The following ATP8A2 variants were observed in gnomAD, a reference collection of about 807,000 sequenced individuals.
The protein encoded by ATP8A2 is ATPase phospholipid transporting 8A2, also known as phospholipid-transporting ATPase IB.
Under a neutral mutation model 165.6 loss-of-function variants are expected in ATP8A2, and 100 were observed. That is an observed-to-expected ratio of 0.60 (90% CI 0.51 to 0.71). ATP8A2 has a LOEUF of 0.71. Among genes scored for constraint, ATP8A2 ranks in the 30% least tolerant of loss-of-function variants. ATP8A2 has a pLI of 0.00. For synonymous variants in ATP8A2, 543 were observed against 548.8 expected (o/e 0.99, Z 0.15); for missense variants, 1,227 against 1,479.5 (o/e 0.83, Z 2.80).
intron 36 of ATP8A2, among the ~76,000 whole-genome samples, chr13:26,016,435 T>C (rs1956976124): frequency 6.6e-6 from 1 of 152,234 alleles, no homozygotes; most frequent in South Asian, 2.1e-4. Context: ...CTTGTGGCCA[T>C]GGCACTAATG....
intron 24 of ATP8A2, among the ~76,000 whole-genome samples, chr13:25,686,315 G>A (rs905868309): frequency 6.6e-6 from 1 of 152,214 alleles, no homozygotes; most frequent in Non-Finnish European, 1.5e-5. Context: ...GGAACATGAT[G>A]CAGTGCTCCA....
intron 2 of ATP8A2, among the ~76,000 whole-genome samples, chr13:25,482,280 C>T (rs1406233584): frequency 6.6e-6 from 1 of 152,170 alleles, no homozygotes; most frequent in African/African-American, 2.4e-5. Flanking sequence ...GATCATAAGT[C>T]TTGTTCCTTA....
chr13:25,954,940 C>T (rs546426039), intron 33 of ATP8A2, among the ~76,000 whole-genome samples: 24 of 152,322 alleles, frequency 1.6e-4, no homozygotes, highest in African/African-American at 5.1e-4. Flanking sequence ...AATGCCTCTT[C>T]TCCTCCAAAG....
chr13:25,781,141 T>C (rs1219047037), intron 27 of ATP8A2, among the ~76,000 whole-genome samples: 1 of 152,072 alleles, frequency 6.6e-6, no homozygotes, highest in Non-Finnish European at 1.5e-5. Flanking sequence ...CAGGTGCCTG[T>C]AGTCCCAGCT....
intron 24 of ATP8A2, among the ~76,000 whole-genome samples, chr13:25,614,088 G>A (rs781584897): frequency 5.3e-5 from 8 of 152,122 alleles, no homozygotes; most frequent in South Asian, 2.1e-4. Flanking sequence ...TAGCAAAGCC[G>A]GAGAAGTTTT....
intron 20 of ATP8A2, 81 bp downstream of exon 20, chr13:25,577,219 A>C: frequency 8.6e-7 from 1 of 1,166,202 alleles, no homozygotes; most frequent in East Asian, 2.4e-5. Context: ...TGCTTTCCTC[A>C]TCATTCCCTG....
At chr13:25,910,621 T>C (rs1954076410) in intron 33 of ATP8A2, among the ~76,000 whole-genome samples, 1 of 152,076 alleles carries the variant, frequency 6.6e-6, no homozygotes. Flanking sequence ...ACAACGGGTG[T>C]CTCCTATATT....
intron 25 of ATP8A2, among the ~76,000 whole-genome samples, chr13:25,730,787 G>A (rs2043603559): frequency 6.6e-6 from 1 of 151,946 alleles, no homozygotes; most frequent in Non-Finnish European, 1.5e-5. Flanking sequence ...TTTTAAGGAA[G>A]GAATAGGCCA....
chr13:25,968,471 C>A, intron 34 of ATP8A2, 104 bp from the exon 35 acceptor site: 1 of 980,334 alleles, frequency 1.0e-6, no homozygotes, highest in Non-Finnish European at 1.6e-6. Context: ...CCTCGGCCTC[C>A]ACCAAAGGGC....
At chr13:25,928,155 C>T (rs936600399) in intron 33 of ATP8A2, among the ~76,000 whole-genome samples, 1 of 152,216 alleles carries the variant, frequency 6.6e-6, no homozygotes, top group Non-Finnish European at 1.5e-5. Context: ...GCAGAAGTCA[C>T]AGCCCCCTTG....
chr13:25,749,645 T>A (rs558147250), intron 25 of ATP8A2, among the ~76,000 whole-genome samples: 1 of 151,928 alleles, frequency 6.6e-6, no homozygotes, highest in African/African-American at 2.4e-5. Context: ...GCAAGGGAGA[T>A]GGGAGGAATT....
chr13:25,831,401 G>A (rs935683712), intron 28 of ATP8A2, among the ~76,000 whole-genome samples: 4 of 151,842 alleles, frequency 2.6e-5, no homozygotes, highest in Admixed American at 2.0e-4. Context: ...TTTTAGTAGA[G>A]ATGAGGTTTC....
chr13:25,910,241 T>C (rs566445879), intron 33 of ATP8A2, among the ~76,000 whole-genome samples: 1 of 152,322 alleles, frequency 6.6e-6, no homozygotes, highest in African/African-American at 2.4e-5. Flanking sequence ...GCTGTTTTCA[T>C]AATGGAATAA....
chr13:25,843,300 C>T (rs746511716), intron 30 of ATP8A2, among the ~76,000 whole-genome samples: 3 of 152,132 alleles, frequency 2.0e-5, no homozygotes, highest in Non-Finnish European at 2.9e-5. Flanking sequence ...CTGTCAGCCT[C>T]TGGTGAGAGG....
At chr13:25,420,891 A>G (rs1406405402) in intron 1 of ATP8A2, among the ~76,000 whole-genome samples, 1 of 152,234 alleles carries the variant, frequency 6.6e-6, no homozygotes, top group African/African-American at 2.4e-5. Context: ...TTTAAGGTTT[A>G]ACTGGTGTGG....
At chr13:26,015,243 G>A (rs1467505438) in intron 36 of ATP8A2, among the ~76,000 whole-genome samples, 3 of 152,164 alleles carry the variant, frequency 2.0e-5, no homozygotes, top group Non-Finnish European at 2.9e-5. Flanking sequence ...AACTTAGGAC[G>A]TTTCTGTCAC....
chr13:25,565,876 C>G (rs1373748544), intron 16 of ATP8A2, among the ~76,000 whole-genome samples: 1 of 151,978 alleles, frequency 6.6e-6, no homozygotes, highest in East Asian at 1.9e-4. Context: ...CTGAAAAATG[C>G]CAACTTAGAA....
intron 1 of ATP8A2, among the ~76,000 whole-genome samples, chr13:25,422,817 A>G (rs1005157404): frequency 3.3e-5 from 5 of 152,232 alleles, no homozygotes; most frequent in African/African-American, 1.2e-4. Flanking sequence ...AAAGATCAGT[A>G]ACAAGAGTGC....
At chr13:25,693,279 A>G (rs1185706831) in intron 24 of ATP8A2, among the ~76,000 whole-genome samples, 1 of 152,222 alleles carries the variant, frequency 6.6e-6, no homozygotes, top group Non-Finnish European at 1.5e-5. Flanking sequence ...TGATAGTAAT[A>G]CCTTCAATTG....
Sources: allele counts gnomAD v4.1 joint callset (sites outside exome capture counted in the v4.1 genomes callset), GRCh38; gene constraint gnomAD v4.1.1; transcripts MANE v1.5; gene names NCBI Gene and HGNC (gene_info 2026-07-23, HGNC 2026-07-21).